The following INVS variants were observed in gnomAD, a reference collection of about 807,000 sequenced individuals.
The protein encoded by INVS is inversion of embryo turning homolog.
INVS carries 86 observed loss-of-function variants against 108.8 expected under a neutral mutation model. That is an observed-to-expected ratio of 0.79 (90% CI 0.66 to 0.95). The LOEUF (loss-of-function observed/expected upper bound fraction) is 0.95, where lower values mean the gene tolerates loss of function less well. Among genes scored for constraint, INVS ranks in the 40% least tolerant of loss-of-function variants. The probability of loss-of-function intolerance (pLI) is 0.00; values close to 1 mark genes in which losing one functional copy is unlikely to be tolerated. For synonymous variants in INVS, 455 were observed against 473.5 expected (o/e 0.96, Z 0.51); for missense variants, 1,169 against 1,297.4 (o/e 0.90, Z 1.52).
chr9:100,291,227 C>A (rs1314534637), intron 13 of INVS, among the ~76,000 whole-genome samples: 1 of 152,084 alleles, frequency 6.6e-6, no homozygotes, highest in Non-Finnish European at 1.5e-5. Context: ...CCATGCCCAG[C>A]TAATTTTCGT....
At chr9:100,188,257 T>A (rs1219595370) in intron 3 of INVS, among the ~76,000 whole-genome samples, 1 of 152,192 alleles carries the variant, frequency 6.6e-6, no homozygotes, top group South Asian at 2.1e-4. Flanking sequence ...CTTGTTCCGG[T>A]TCTTCCAGGG....
rs1174600523 is a variant in INVS, at chr9:100,099,307, G to C, written c.-134G>C. 1.3e-5 allele frequency: 2 copies of C among 158,790 alleles called. No individual in the cohort carries two copies. Among genetic ancestry groups the C allele is most frequent in the Non-Finnish European group, 2.8e-5 (2 of 71,652 alleles). 9.8% of individuals were successfully genotyped at this position (158,790 alleles called of 1,614,324 possible). On this transcript the variant is annotated 5_prime_UTR_variant, in exon 1 of 17. Coordinates refer to ENST00000262457, the MANE Select transcript of INVS (RefSeq NM_014425.5). ...GGGGCTCGGCTAGCTTCAGCGCCGTGGGGTCTGACCTGGCTGGATATAGTG... is the reference window on the plus strand; with the variant it reads ...GGGGCTCGGCTAGCTTCAGCGCCGTCGGGTCTGACCTGGCTGGATATAGTG...
At chr9:100,123,501 G>C (rs1827788242) in intron 2 of INVS, among the ~76,000 whole-genome samples, 1 of 152,182 alleles carries the variant, frequency 6.6e-6, no homozygotes, top group Non-Finnish European at 1.5e-5. Context: ...CCATTCGTCA[G>C]TTGATGAATA....
rs556563592 is a variant in INVS at position 100,114,895 on chromosome 9, C to T, written c.106+10268C>T. 7.2e-5 allele frequency among the ~76,000 whole-genome samples: 11 copies of T among 152,204 alleles called. No individual in the cohort carries two copies. The South Asian group carries it at 1.0e-3, about 14-fold the overall frequency. ...GTTTAGCAATTATGAATAATGCTGC[C>T]GTAAATATTCACATACAAGTTTTTA... On this transcript the variant is annotated intron_variant, in intron 2 of 16. Transcript: ENST00000262457.
intron 3 of INVS, among the ~76,000 whole-genome samples, chr9:100,147,762 C>A (rs80208242): frequency 6.6e-6 from 1 of 152,188 alleles, no homozygotes; most frequent in African/African-American, 2.4e-5. Flanking sequence ...AACTAGGGAA[C>A]TGTGAAAAGA....
Position 100,292,911 on chromosome 9 carries a change from C to T in INVS, c.2654C>T (p.Ser885Phe). Reference protein sequence around the residue: ...KETDPAPGPLSGQSVNIDLLP... With the variant: ...KETDPAPGPLFGQSVNIDLLP... Reference sequence around the variant, plus strand: ...ACTGATCCAGCACCTGGTCCCCTCTCTGGGCAGAGTGTGAATATTGACCTT... The same window carrying T: ...ACTGATCCAGCACCTGGTCCCCTCTTTGGGCAGAGTGTGAATATTGACCTT... Residue 885 changes from serine to phenylalanine, a missense_variant, in exon 14 of 17, where the codon TCT becomes TTT. By Grantham distance (155) the Ser-to-Phe change is radical. Around this residue, in one of 3 missense-constraint regions of INVS, gnomAD observed 533 missense variants for 536.0 expected, o/e 0.99. Coordinates refer to ENST00000262457, the MANE Select transcript of INVS (RefSeq NM_014425.5). 6.2e-7 allele frequency: 1 copy of T among 1,614,098 alleles called. No individual in the cohort carries two copies. Among genetic ancestry groups the T allele is most frequent in the South Asian group, 1.1e-5 (1 of 91,084 alleles).
intron 3 of INVS, among the ~76,000 whole-genome samples, chr9:100,169,179 A>G (rs920938038): frequency 6.6e-5 from 10 of 152,214 alleles, no homozygotes; most frequent in Admixed American, 3.3e-4. Flanking sequence ...AACCTGAACT[A>G]ATCCAAAAAA....
intron 10 of INVS, among the ~76,000 whole-genome samples, chr9:100,256,986 T>A (rs182333447): frequency 4.6e-4 from 70 of 152,324 alleles, no homozygotes; most frequent in African/African-American, 1.6e-3. Flanking sequence ...GTCTTGTTGA[T>A]CTGTCTAATG....
rs139355853 is a variant in INVS at position 100,171,385 on chromosome 9, T to C, written c.273+44836T>C. Among the ~76,000 whole-genome samples, 4 of 152,294 alleles carry C rather than the reference T, an allele frequency of 2.6e-5. No homozygotes were observed. In the East Asian group the frequency reaches 7.7e-4, roughly 29 times the overall value. The stretch of plus-strand genomic sequence containing the variant: ...TATACCATATAGCCTAGGTGTGTAA[T>C]AAGTTATAACATCTAGGTTTGTGTA... On this transcript the variant is annotated intron_variant, in intron 3 of 16. Transcript: ENST00000262457.
intron 2 of INVS, among the ~76,000 whole-genome samples, chr9:100,112,950 G>A (rs1485051998): frequency 6.6e-6 from 1 of 152,138 alleles, no homozygotes. Context: ...GCTAATACTA[G>A]CTACTACTAT....
In INVS at chr9:100,264,702, CT is replaced by C. The variant is rs1832731130; in HGVS notation, c.1465-115del. 4.1e-6 allele frequency: 3 copies of C among 732,862 alleles called. No homozygotes were observed. The Admixed American group carries it at 6.2e-5, about 15-fold the overall frequency. The allele number at this position is 732,862 out of a possible 1,614,324, so 45.4% of individuals were successfully genotyped here. ...CTCCACTGTATATTTAATATTTTCC[CT>C]TTTTGTAAATAAGCAATTTGGAAAA... On this transcript the variant is annotated intron_variant, in intron 10 of 16. Transcript: ENST00000262457.
At position 100,224,015 on chromosome 9, in the gene INVS, G is replaced by C. The variant is rs115931072; in HGVS notation, c.274-2047G>C. Among the ~76,000 whole-genome samples the C allele has an allele frequency of 1.3e-3, 202 of 152,080 alleles. 1 individual carries two copies. Among genetic ancestry groups the C allele is most frequent in the African/African-American group, 4.6e-3 (192 of 41,466 alleles). On this transcript the variant is annotated intron_variant, in intron 3 of 16. Transcript: ENST00000262457. ...ATTGTCTTCGGCCATACATAAAATA[G>C]CACTAACAATAACTGATGAGCAAAA... is the stretch of plus-strand genomic sequence containing the variant.
intron 10 of INVS, among the ~76,000 whole-genome samples, chr9:100,262,560 C>G (rs1232732197): frequency 7.1e-6 from 1 of 141,102 alleles, no homozygotes; most frequent in African/African-American, 2.7e-5. Flanking sequence ...GTGAGTTCCT[C>G]TTGTTTATTT....
chr9:100,129,055 C>T (rs1467632449), intron 3 of INVS, among the ~76,000 whole-genome samples: 1 of 151,438 alleles, frequency 6.6e-6, no homozygotes, highest in Admixed American at 6.6e-5. Flanking sequence ...TGTAGTGGCC[C>T]ACACCTGTAG....
rs565386391 is a variant in INVS at position 100,242,809 on chromosome 9, T to TTTTA, written c.906+150_906+153dup. ...GTACCCTTCACCTAGTTCACTCTGT[T>TTTTA]TTTATTTATTTATTTATTTATTTTT... On this transcript the variant is annotated intron_variant, in intron 7 of 16. Transcript: ENST00000262457. The TTTTA allele has an allele frequency of 2.6e-4, 163 of 615,356 alleles. 1 individual carries two copies. Among genetic ancestry groups the TTTTA allele is most frequent in the African/African-American group, 1.8e-3 (96 of 53,360 alleles). The allele number at this position is 615,356 out of a possible 1,614,324, so 38.1% of individuals were successfully genotyped here. A position where few individuals can be genotyped will look rare whatever the true frequency, so the allele number is the denominator to read the frequency against.
intron 12 of INVS, among the ~76,000 whole-genome samples, chr9:100,283,677 A>G (rs1833346072): frequency 6.6e-6 from 1 of 152,046 alleles, no homozygotes; most frequent in Non-Finnish European, 1.5e-5. Context: ...CCTGCTACCC[A>G]AGGGTTCCAG....
At chr9:100,184,766 C>G (rs1181328988) in intron 3 of INVS, among the ~76,000 whole-genome samples, 1 of 152,026 alleles carries the variant, frequency 6.6e-6, no homozygotes. Context: ...TTCAGAGCAT[C>G]TCAAGCAGAG....
intron 3 of INVS, among the ~76,000 whole-genome samples, chr9:100,146,075 C>G (rs1828600795): frequency 7.3e-6 from 1 of 137,532 alleles, no homozygotes; most frequent in Non-Finnish European, 1.5e-5. Context: ...GGATTGATCT[C>G]CCAAGGGAGG....
chr9:100,126,597 G>T (rs1163158953), intron 3 of INVS, 48 bp downstream of exon 3: 1 of 1,551,732 alleles, frequency 6.4e-7, no homozygotes, highest in Non-Finnish European at 8.9e-7. Context: ...TGTGATGTCT[G>T]CTAGTTGATT....
Sources: gnomAD v4.1 joint callset for allele counts (sites outside exome capture counted in the v4.1 genomes callset) on GRCh38, gnomAD v4.1.1 for gene constraint, gnomAD v4.1.1 regional missense constraint, MANE v1.5 for transcripts, NCBI Gene and HGNC (gene_info 2026-07-23, HGNC 2026-07-21) for gene names.